Variants in MTA1 observed in about 807,000 individuals in gnomAD.
MTA1 encodes metastasis-associated protein MTA1.
Under a neutral mutation model 97.0 loss-of-function variants are expected in MTA1, and 15 were observed. The ratio of observed to expected loss-of-function variants is 0.15; its 90% CI spans 0.10 to 0.24. MTA1 has a LOEUF of 0.24. MTA1 is among the 10% of genes least tolerant of loss of function. The pLI, the probability that MTA1 is intolerant of heterozygous loss-of-function variation, is 1.00. For missense variants in MTA1, 709 were observed against 1,015.1 expected (o/e 0.70, Z 4.10); for synonymous variants, 435 against 417.5 (o/e 1.04, Z -0.51).
intron 16 of MTA1, 80 bp downstream of exon 16, chr14:105,465,263 C>T (rs1567045342): frequency 7.9e-7 from 1 of 1,264,670 alleles, no homozygotes; most frequent in Non-Finnish European, 1.1e-6. Flanking sequence ...CTGGTGCTCC[C>T]AGCCTTCTCT....
rs1555434012 is a variant in MTA1 at position 105,469,995 on chromosome 14, G to A, written c.1997+3G>A. The A allele has an allele frequency of 1.2e-5, 19 of 1,612,474 alleles. No homozygotes were observed. Among genetic ancestry groups the A allele is most frequent in the East Asian group, 8.9e-5 (4 of 44,882 alleles). On this transcript the variant is annotated splice_donor_region_variant and intron_variant, in intron 20 of 20. Coordinates refer to ENST00000331320, the MANE Select transcript of MTA1 (RefSeq NM_004689.4). ...TACATGGCCACAGAGGAGACCAGGTGGGGCCTTCCCAGGGCAGGCGGGAGG... is the reference window on the plus strand; with the variant it reads ...TACATGGCCACAGAGGAGACCAGGTAGGGCCTTCCCAGGGCAGGCGGGAGG...
chr14:105,452,273 C>T (rs986395433), intron 6 of MTA1, among the ~76,000 whole-genome samples: 4 of 152,382 alleles, frequency 2.6e-5, no homozygotes, highest in South Asian at 2.1e-4. Flanking sequence ...AACACAGGCT[C>T]ATGTCACAGA....
Position 105,420,143 on chromosome 14 carries a change from T to G in MTA1, c.28+80T>G. ...CCGCCGCTGCCGCCTCCCCCGCCCC[T>G]CTGCCCCGCAGGCCCCGCGCCCCCC... On this transcript the variant is annotated intron_variant, in intron 1 of 20. Transcript: ENST00000331320. The surrounding 1 kb of genome is among the most constrained non-coding windows in gnomAD (Gnocchi z 5.3). The G allele has an allele frequency of 1.4e-5, 10 of 698,870 alleles. No homozygotes were observed. The highest frequency in any genetic ancestry group is 6.5e-5 in the African/African-American group (3 of 45,860). 43.3% of individuals were successfully genotyped at this position (698,870 alleles called of 1,614,324 possible). A position where few individuals can be genotyped will look rare whatever the true frequency, so the allele number is the denominator to read the frequency against.
At chr14:105,427,986 C>G (rs1555422589) in intron 1 of MTA1, among the ~76,000 whole-genome samples, 1 of 138,668 alleles carries the variant, frequency 7.2e-6, no homozygotes, top group Non-Finnish European at 1.5e-5. Flanking sequence ...CCACTGTACC[C>G]CAGCCTGGGC....
At chr14:105,441,783 G>A (rs1001053491) in intron 2 of MTA1, among the ~76,000 whole-genome samples, 3 of 152,148 alleles carry the variant, frequency 2.0e-5, no homozygotes, top group African/African-American at 7.2e-5. Flanking sequence ...GACAGAGCGA[G>A]ACTCTGTCTC....
intron 20 of MTA1, 29 bp downstream of exon 20, chr14:105,470,021 G>T (rs1555434029): frequency 1.9e-6 from 3 of 1,612,492 alleles, no homozygotes; most frequent in Admixed American, 3.3e-5. Context: ...AGGCGGGAGG[G>T]CTCCGCACAG....
intron 16 of MTA1, 89 bp downstream of exon 16, chr14:105,465,272 C>G (rs984151185): frequency 4.3e-6 from 5 of 1,174,962 alleles, no homozygotes; most frequent in Admixed American, 2.8e-5. Flanking sequence ...CCAGCCTTCT[C>G]TAGCTGGGAG....
chr14:105,470,262 C>G lies in MTA1; in HGVS notation c.*47C>G, dbSNP rs782263654. 12 of 1,379,048 alleles carry G rather than the reference C, an allele frequency of 8.7e-6. No individual in the cohort carries two copies. The highest frequency in any genetic ancestry group is 1.5e-5 in the South Asian group (1 of 64,624). 85.4% of individuals were successfully genotyped at this position (1,379,048 alleles called of 1,614,324 possible). On this transcript the variant is annotated 3_prime_UTR_variant, in exon 21 of 21. Coordinates refer to ENST00000331320, the MANE Select transcript of MTA1 (RefSeq NM_004689.4). ...GCCCCCCGCCCCTCGCCCGCCCACA[C>G]GGCCCCTTCCCAGCCAGCCCGCCGC...
intron 2 of MTA1, among the ~76,000 whole-genome samples, chr14:105,440,185 A>T (rs56130943): frequency 6.6e-6 from 1 of 152,162 alleles, no homozygotes; most frequent in Non-Finnish European, 1.5e-5. Context: ...CTGCAGAGCA[A>T]GGCCACTTGG....
At position 105,455,258 on chromosome 14, in the gene MTA1, C is replaced by T. The variant is rs904695492; in HGVS notation, c.550+948C>T. On this transcript the variant is annotated intron_variant, in intron 7 of 20. Transcript: ENST00000331320. ...AGAAATTTTCTTCTGTGTGAATCTG[C>T]CCACGTTTCTTGTCTTGCCTGTGGG... Among the ~76,000 whole-genome samples the T allele has an allele frequency of 4.6e-5, 7 of 152,370 alleles. No homozygotes were observed. In the South Asian group the frequency reaches 1.2e-3, roughly 27 times the overall value.
At chr14:105,437,246 CAGG>C (rs2082353832) in intron 1 of MTA1, among the ~76,000 whole-genome samples, 1 of 14,018 alleles carries the variant, frequency 7.1e-5, no homozygotes, top group Non-Finnish European at 4.0e-4. Context: ...CGTGTGCCTG[CAGG>C]TGTGTCCTCA....
At position 105,422,508 on chromosome 14, in the gene MTA1, G is replaced by GCC. The variant is rs1363866790; in HGVS notation, c.28+2451_28+2452dup. On this transcript the variant is annotated intron_variant, in intron 1 of 20. Transcript: ENST00000331320. This position sits in a 1 kb window ranked among gnomAD's most constrained non-coding sequence, Gnocchi z 4.3. ...AGCCTGGGAAGGGGCTTGCTCCTGT[G>GCC]CCCCCCCACCCCAGGGACCTTGTGT... Among the ~76,000 whole-genome samples, 3 of 152,170 alleles carry GCC rather than the reference G, an allele frequency of 2.0e-5. No individual in the cohort carries two copies. The highest frequency in any genetic ancestry group is 4.4e-5 in the Non-Finnish European group (3 of 67,994).
intron 18 of MTA1, chr14:105,469,119 G>A (rs1337553433): frequency 3.8e-6 from 2 of 524,422 alleles, no homozygotes; most frequent in African/African-American, 1.9e-5. Context: ...GCCGCTGCTG[G>A]ACTGACAGCC....
intron 2 of MTA1, among the ~76,000 whole-genome samples, chr14:105,441,687 G>T (rs587674392): frequency 8.5e-5 from 13 of 152,260 alleles, no homozygotes; most frequent in Admixed American, 2.6e-4. Flanking sequence ...CCAGCTACTC[G>T]GGAGGCTGAG....
chr14:105,468,555 C>T (rs2083693140), intron 18 of MTA1, among the ~76,000 whole-genome samples: 3 of 152,182 alleles, frequency 2.0e-5, no homozygotes, highest in Non-Finnish European at 4.4e-5. Flanking sequence ...AGGGGAGTGC[C>T]CCAAGTTAGG....
chr14:105,429,542 C>G (rs146546568), intron 1 of MTA1, among the ~76,000 whole-genome samples: 7,466 of 151,686 alleles, frequency 0.049, 257 homozygotes, highest in Middle Eastern at 0.11. Flanking sequence ...AGCTCCGCCT[C>G]CCAGGTTCAC....
rs1395799763 is a variant in MTA1 at position 105,458,452 on chromosome 14, G to A, written c.653+80G>A. On this transcript the variant is annotated intron_variant, in intron 8 of 20. Transcript: ENST00000331320. ...TCCCTTCCCTGTGGTGGGTGTTGGG[G>A]ACGTGACAGTCTTGGATCCCATATC... 2.5e-5 allele frequency: 31 copies of A among 1,235,096 alleles called. 1 individual carries two copies. In the Admixed American group the frequency reaches 3.3e-4, roughly 13 times the overall value. The allele number at this position is 1,235,096 out of a possible 1,614,324, so 76.5% of individuals were successfully genotyped here. A position where few individuals can be genotyped will look rare whatever the true frequency, so the allele number is the denominator to read the frequency against.
rs587661912 is a variant in MTA1 at position 105,420,423 on chromosome 14, C to G, written c.28+360C>G. Among the ~76,000 whole-genome samples the G allele has an allele frequency of 4.9e-4, 75 of 152,112 alleles. No homozygotes were observed. The highest frequency in any genetic ancestry group is 1.6e-3 in the African/African-American group (66 of 41,526). On this transcript the variant is annotated intron_variant, in intron 1 of 20. Transcript: ENST00000331320. The surrounding 1 kb of genome is among the most constrained non-coding windows in gnomAD (Gnocchi z 5.3). Reference sequence around the variant, plus strand: ...CGTGGCCTTGGGAGGCGCCGGCTGCCGGTCTGGGAGCAGGAGTTTTGGGGC... The same window carrying G: ...CGTGGCCTTGGGAGGCGCCGGCTGCGGGTCTGGGAGCAGGAGTTTTGGGGC...
chr14:105,466,629 C>T (rs782703814), intron 17 of MTA1, 51 bp downstream of exon 17: 51 of 1,572,284 alleles, frequency 3.2e-5, no homozygotes, highest in East Asian at 1.4e-4. Flanking sequence ...CCGGTGAGTC[C>T]GGCCCGTCCC....
Sources: allele counts gnomAD v4.1 joint callset (sites outside exome capture counted in the v4.1 genomes callset), GRCh38; gene constraint gnomAD v4.1.1; non-coding constraint Gnocchi (gnomAD v3.1); transcripts MANE v1.5; gene names NCBI Gene and HGNC (gene_info 2026-07-23, HGNC 2026-07-21).